Variants in SOX6 observed in about 807,000 individuals in gnomAD.
SOX6 encodes SRY-box transcription factor 6.
A neutral mutation model predicts 97.8 loss-of-function variants in SOX6; 11 were observed. The ratio of observed to expected loss-of-function variants is 0.11; its 90% CI spans 0.07 to 0.19. The LOEUF is 0.19. Ranked by LOEUF, SOX6 falls within the 10% of genes least tolerant of loss-of-function variation. SOX6 has a pLI of 1.00. For missense variants in SOX6, 810 were observed against 1,039.5 expected, an observed-to-expected ratio of 0.78 and a Z score of 3.04; for synonymous variants, 360 against 371.4, an observed-to-expected ratio of 0.97 and a Z score of 0.35.
intron 3 of SOX6, among the ~76,000 whole-genome samples, chr11:16,667,189 G>A (rs112523730): frequency 3.3e-5 from 5 of 151,850 alleles, no homozygotes; most frequent in African/African-American, 1.2e-4. Context: ...GCAGTGAACC[G>A]AGATCACACC....
chr11:16,341,102 G>C lies in SOX6; in HGVS notation c.147C>G (p.Asn49Lys). The C allele has an allele frequency of 1.9e-6, 3 of 1,613,534 alleles. 1 individual carries two copies. The highest frequency in any genetic ancestry group is 2.2e-5 in the South Asian group (2 of 91,080). ...TTGGTAGCTCCTCAGAGTGAGGTTTGTTGTGCATTATGGGGTGCAGAGGCA... is the reference window on the plus strand; with the variant it reads ...TTGGTAGCTCCTCAGAGTGAGGTTTCTTGTGCATTATGGGGTGCAGAGGCA... ...SHLPLHPIMH[N>K]KPHSEELPTL... Residue 49 changes from asparagine (N) to lysine (K), a missense_variant, in exon 2 of 16, where the codon AAC becomes AAG. By Grantham distance (94) the Asn-to-Lys change is moderately conservative. Around this residue, in one of 9 missense-constraint regions of SOX6, gnomAD observed 100 missense variants for 94.6 expected, o/e 1.06. Coordinates refer to ENST00000683767, the MANE Select transcript of SOX6 (RefSeq NM_001367873.1).
At chr11:16,377,428 C>G (rs1259679551) in intron 1 of SOX6, among the ~76,000 whole-genome samples, 1 of 152,012 alleles carries the variant, frequency 6.6e-6, no homozygotes, top group Non-Finnish European at 1.5e-5. Flanking sequence ...TGAGGTTGTT[C>G]ATGCTAGGTA....
chr11:16,059,038 G>T (rs1847885084), intron 9 of SOX6, among the ~76,000 whole-genome samples: 1 of 151,976 alleles, frequency 6.6e-6, no homozygotes, highest in African/African-American at 2.4e-5. Flanking sequence ...TCCCAACTGG[G>T]CTTGATTCTT....
rs1487085092 is a variant in SOX6, at chr11:15,986,232, G to C, written c.2155C>G (p.Gln719Glu). ...ACAGTAAAGAACTGCCTCATCTCCT[G>C]TCTCCGAGACCTCATCAGTTGCTTA... ...EYKQLMRSRRQEMRQFFTVGQ... is the reference protein window; with the variant it reads ...EYKQLMRSRREEMRQFFTVGQ... Residue 719 changes from glutamine (Q) to glutamate (E), a missense_variant, in exon 15 of 16, where the codon CAG (glutamine) becomes GAG (glutamate). By Grantham distance (29) the Gln-to-Glu change is conservative. Around this residue, in one of 9 missense-constraint regions of SOX6, gnomAD observed 122 missense variants for 153.4 expected, o/e 0.80. Transcript: ENST00000683767. 1.2e-6 allele frequency: 2 copies of C among 1,613,948 alleles called. No homozygotes were observed. The highest frequency in any genetic ancestry group is 1.7e-6 in the Non-Finnish European group (2 of 1,180,002).
At chr11:16,113,693 C>A (rs1849281652) in intron 6 of SOX6, among the ~76,000 whole-genome samples, 1 of 152,178 alleles carries the variant, frequency 6.6e-6, no homozygotes, top group South Asian at 2.1e-4. Flanking sequence ...AAATATAGCA[C>A]AGATGGCTTA....
chr11:16,127,492 A>T (rs1590212952), intron 6 of SOX6, among the ~76,000 whole-genome samples: 1 of 152,128 alleles, frequency 6.6e-6, no homozygotes, highest in Non-Finnish European at 1.5e-5. Flanking sequence ...TTTAAAAATA[A>T]GAAAACAGAT....
intron 1 of SOX6, among the ~76,000 whole-genome samples, chr11:16,383,069 A>G (rs566691027): frequency 6.6e-6 from 1 of 152,082 alleles, no homozygotes; most frequent in South Asian, 2.1e-4. Context: ...TTGATATAGG[A>G]AATTTAGCAA....
intron 6 of SOX6, among the ~76,000 whole-genome samples, chr11:16,147,888 C>A (rs1164633699): frequency 6.6e-6 from 1 of 152,130 alleles, no homozygotes; most frequent in East Asian, 1.9e-4. Flanking sequence ...TGACTGTACA[C>A]CAGAAATACA....
At position 16,103,362 on chromosome 11, in the gene SOX6, A is replaced by T. The variant is rs186620945; in HGVS notation, c.899-5674T>A. Among the ~76,000 whole-genome samples, 262 of 151,744 alleles carry T rather than the reference A, an allele frequency of 1.7e-3. 1 individual carries two copies. The highest frequency in any genetic ancestry group is 3.1e-3 in the African/African-American group (127 of 41,346). On this transcript the variant is annotated intron_variant, in intron 7 of 15. Transcript: ENST00000683767. ...CTGCAAGAATGGTCATAATAAAAAA[A>T]AAATAAATAATGATACTGGCGTGGA...
intron 1 of SOX6, among the ~76,000 whole-genome samples, chr11:16,457,592 G>C (rs1667053293): frequency 6.6e-6 from 1 of 152,060 alleles, no homozygotes; most frequent in South Asian, 2.1e-4. Flanking sequence ...AATTTGATCA[G>C]AGTTGCATCA....
At chr11:16,557,898 T>A (rs1171192480) in intron 4 of SOX6, among the ~76,000 whole-genome samples, 1 of 151,892 alleles carries the variant, frequency 6.6e-6, no homozygotes, top group Non-Finnish European at 1.5e-5. Context: ...TACAACATAA[T>A]GGCTTATAAA....
At chr11:16,617,449 T>C (rs938224268) in intron 3 of SOX6, among the ~76,000 whole-genome samples, 1 of 151,954 alleles carries the variant, frequency 6.6e-6, no homozygotes, top group African/African-American at 2.4e-5. Flanking sequence ...AGTTTAGTAC[T>C]AAATTGAATA....
chr11:16,249,387 G>T (rs1451652547), intron 3 of SOX6, among the ~76,000 whole-genome samples: 2 of 152,150 alleles, frequency 1.3e-5, no homozygotes, highest in Admixed American at 6.5e-5. Flanking sequence ...AGTCACCTTT[G>T]CTCCAGTTCC....
At chr11:16,361,785 T>C (rs766093491) in intron 1 of SOX6, among the ~76,000 whole-genome samples, 8 of 152,178 alleles carry the variant, frequency 5.3e-5, no homozygotes, top group Non-Finnish European at 1.0e-4. Flanking sequence ...TTCCAAATCT[T>C]TTAAACTTTA....
chr11:16,712,333 C>T (rs1848188007), intron 3 of SOX6, among the ~76,000 whole-genome samples: 1 of 152,174 alleles, frequency 6.6e-6, no homozygotes, highest in Admixed American at 6.5e-5. Context: ...CACCATTTTC[C>T]ATAGTGGCTG....
intron 4 of SOX6, among the ~76,000 whole-genome samples, chr11:16,233,339 C>T (rs552051345): frequency 1.5e-4 from 23 of 152,246 alleles, no homozygotes; most frequent in African/African-American, 5.5e-4. Context: ...CACTTCTTCT[C>T]CATAAATGAA....
chr11:16,559,774 A>C (rs1847787735), intron 4 of SOX6, among the ~76,000 whole-genome samples: 1 of 152,084 alleles, frequency 6.6e-6, no homozygotes, highest in African/African-American at 2.4e-5. Flanking sequence ...ATTGTATTGT[A>C]CCAGTCTTTC....
At chr11:16,542,101 T>C (rs1342092253) in intron 4 of SOX6, among the ~76,000 whole-genome samples, 4 of 152,350 alleles carry the variant, frequency 2.6e-5, no homozygotes, top group African/African-American at 9.6e-5. Context: ...TAAGAAAATA[T>C]GGCACATATA....
At chr11:16,369,217 A>G (rs971152805) in intron 1 of SOX6, among the ~76,000 whole-genome samples, 3 of 152,162 alleles carry the variant, frequency 2.0e-5, no homozygotes, top group Non-Finnish European at 4.4e-5. Context: ...ACTAAAAAAA[A>G]TGAAAAATAA....
Sources: gnomAD v4.1 joint callset for allele counts (sites outside exome capture counted in the v4.1 genomes callset) on GRCh38, gnomAD v4.1.1 for gene constraint, gnomAD v4.1.1 regional missense constraint, MANE v1.5 for transcripts, NCBI Gene and HGNC (gene_info 2026-07-23, HGNC 2026-07-21) for gene names.